Variants in ENTPD1 observed in about 807,000 individuals in gnomAD.
ENTPD1 encodes ectonucleoside triphosphate diphosphohydrolase 1.
Under a neutral mutation model 57.0 loss-of-function variants are expected in ENTPD1, and 33 were observed. The ratio of observed to expected loss-of-function variants is 0.58; its 90% CI spans 0.44 to 0.77. The LOEUF (loss-of-function observed/expected upper bound fraction) is 0.77. Among genes scored for constraint, ENTPD1 ranks in the 30% least tolerant of loss-of-function variants. The pLI is 0.00. For missense variants in ENTPD1, 501 were observed against 603.4 expected (o/e 0.83, Z 1.78); for synonymous variants, 202 against 218.8 (o/e 0.92, Z 0.68).
intron 7 of ENTPD1, among the ~76,000 whole-genome samples, chr10:95,856,798 T>G (rs1021869768): frequency 4.0e-5 from 6 of 150,288 alleles, no homozygotes; most frequent in African/African-American, 1.5e-4. Context: ...TATAAAAAAT[T>G]TGTCTAGTAT....
intron 1 of ENTPD1, among the ~76,000 whole-genome samples, chr10:95,736,212 GC>G (rs1242308691): frequency 6.6e-6 from 1 of 151,932 alleles, no homozygotes; most frequent in Non-Finnish European, 1.5e-5. Context: ...TGTTGCCCAG[GC>G]TGCTCTGAAA....
intron 1 of ENTPD1, among the ~76,000 whole-genome samples, chr10:95,736,091 C>G (rs936260106): frequency 1.3e-5 from 2 of 150,960 alleles, no homozygotes; most frequent in Non-Finnish European, 2.9e-5. Flanking sequence ...ACATCCGCCT[C>G]CCTGGTTCAA....
At position 95,758,512 on chromosome 10, in the gene ENTPD1, C is replaced by T. The variant is rs549600435; in HGVS notation, c.16+2257C>T. Among the ~76,000 whole-genome samples the T allele has an allele frequency of 3.3e-5, 5 of 152,232 alleles. No individual in the cohort carries two copies. The South Asian group carries it at 1.0e-3, about 32-fold the overall frequency. On this transcript the variant is annotated intron_variant, in intron 1 of 9. Coordinates refer to ENST00000371205, the MANE Select transcript of ENTPD1 (RefSeq NM_001776.6). ...CTAATCCTTCAAGTCTAGATTAGCC[C>T]CCATCTTGGATGCTTCTATAGTACC...
In ENTPD1 at chr10:95,847,670, TGGG is replaced by T; in HGVS notation, c.1039_1041del (p.Gly347del). On this transcript the variant is annotated inframe_deletion, in exon 7 of 10. Coordinates refer to ENST00000371205, the MANE Select transcript of ENTPD1 (RefSeq NM_001776.6). ...GCCCTTACTCCCAGTGTGCCTTCAA[TGGG>T]ATTTTCTTGCCACCACTCCAGGGGG... is the stretch of plus-strand genomic sequence containing the variant. The T allele has an allele frequency of 6.2e-7, 1 of 1,614,178 alleles. No homozygotes were observed. The highest frequency in any genetic ancestry group is 8.5e-7 in the Non-Finnish European group (1 of 1,180,008).
chr10:95,782,994 C>G (rs921541604), intron 1 of ENTPD1, among the ~76,000 whole-genome samples: 3 of 151,982 alleles, frequency 2.0e-5, no homozygotes, highest in Admixed American at 6.6e-5. Flanking sequence ...TTAGCTTCAG[C>G]TTTTGCACAC....
chr10:95,726,243 T>C (rs1158624916), intron 1 of ENTPD1, among the ~76,000 whole-genome samples: 1 of 152,232 alleles, frequency 6.6e-6, no homozygotes, highest in Non-Finnish European at 1.5e-5. Context: ...ATAATGTTCA[T>C]AAATATATCA....
intron 2 of ENTPD1, among the ~76,000 whole-genome samples, chr10:95,825,693 T>C (rs773491155): frequency 2.0e-5 from 3 of 152,230 alleles, no homozygotes; most frequent in Non-Finnish European, 4.4e-5. Flanking sequence ...TTCTCCTGCC[T>C]CAGCCTCCCA....
rs1451830599 is a variant in ENTPD1 at position 95,798,255 on chromosome 10, T to A, written c.17-24982T>A. The stretch of plus-strand genomic sequence containing the variant: ...GTGATATTTGTGTGAACAGCTTTAG[T>A]GGAATGGGATCAGGAGCCAGATACA... On this transcript the variant is annotated intron_variant, in intron 1 of 9. Transcript: ENST00000371205. Among the ~76,000 whole-genome samples, 5 of 152,140 alleles carry A rather than the reference T, an allele frequency of 3.3e-5. No homozygotes were observed. In the East Asian group the frequency reaches 9.7e-4, roughly 29 times the overall value.
chr10:95,782,723 C>T (rs1210097444), intron 1 of ENTPD1, among the ~76,000 whole-genome samples: 2 of 152,196 alleles, frequency 1.3e-5, no homozygotes, highest in African/African-American at 2.4e-5. Flanking sequence ...ATTAGTTCAT[C>T]TCAGCTCTTC....
upstream of ENTPD1, chr10:95,755,779 T>A: frequency 6.5e-7 from 1 of 1,533,350 alleles, no homozygotes; most frequent in Non-Finnish European, 8.7e-7. Flanking sequence ...AACAACTTTC[T>A]TATTATCTAG....
intron 1 of ENTPD1, chr10:95,712,119 T>A: frequency 7.2e-7 from 1 of 1,397,766 alleles, no homozygotes; most frequent in Non-Finnish European, 1.0e-6. Flanking sequence ...GAAAAAAGGA[T>A]TTGTGTGACT....
At chr10:95,852,839 T>C (rs945667035) in intron 7 of ENTPD1, among the ~76,000 whole-genome samples, 8 of 152,236 alleles carry the variant, frequency 5.3e-5, no homozygotes, top group Non-Finnish European at 7.3e-5. Context: ...TGTAGCCTTG[T>C]AGTATAGTTT....
At chr10:95,853,614 C>T (rs1407547415) in intron 7 of ENTPD1, among the ~76,000 whole-genome samples, 4 of 152,142 alleles carry the variant, frequency 2.6e-5, no homozygotes, top group Admixed American at 2.6e-4. Context: ...CCATCATTAC[C>T]TAATTTATTG....
intron 1 of ENTPD1, among the ~76,000 whole-genome samples, chr10:95,801,757 T>G (rs979398163): frequency 5.3e-5 from 8 of 152,194 alleles, no homozygotes; most frequent in African/African-American, 1.9e-4. Context: ...TGAGGTCAGA[T>G]AGCGTGATGC....
intron 1 of ENTPD1, among the ~76,000 whole-genome samples, chr10:95,734,708 C>A (rs2097992729): frequency 6.6e-6 from 1 of 152,146 alleles, no homozygotes; most frequent in Non-Finnish European, 1.5e-5. Context: ...TCTGTTAATT[C>A]CTTCTTTTAT....
At position 95,868,381 on chromosome 10, in the gene ENTPD1, T is replaced by C; in HGVS notation, c.*1998T>C. On this transcript the variant is annotated 3_prime_UTR_variant, in exon 10 of 10. Coordinates refer to ENST00000371205, the MANE Select transcript of ENTPD1 (RefSeq NM_001776.6). ...CTGATAGGCTTGTAATTTAATATCATTCTGTTCATGTGCTTTGGATGGAAG... is the reference window on the plus strand; with the variant it reads ...CTGATAGGCTTGTAATTTAATATCACTCTGTTCATGTGCTTTGGATGGAAG... 1 of 985,434 alleles carries C rather than the reference T, an allele frequency of 1.0e-6. No homozygotes were observed. The highest frequency in any genetic ancestry group is 1.2e-6 in the Non-Finnish European group (1 of 829,922). 61.0% of individuals were successfully genotyped at this position (985,434 alleles called of 1,614,324 possible).
Position 95,863,990 on chromosome 10 carries a change from T to C in ENTPD1, c.1189-734T>C, listed in dbSNP as rs886220905. On this transcript the variant is annotated intron_variant, in intron 8 of 9. Transcript: ENST00000371205. ...TATCTGGGTGTATATTCACAACAGC[T>C]AGGCTAGGTAAGGGCAAGGGATGGC... Among the ~76,000 whole-genome samples the C allele has an allele frequency of 2.0e-5, 3 of 152,196 alleles. No homozygotes were observed. In the East Asian group the frequency reaches 5.8e-4, roughly 29 times the overall value.
chr10:95,860,741 C>T (rs1353579809), intron 8 of ENTPD1, among the ~76,000 whole-genome samples, 159 bp downstream of exon 8: 1 of 152,210 alleles, frequency 6.6e-6, no homozygotes, highest in African/African-American at 2.4e-5. Context: ...AATTTATCAG[C>T]ATTCCTTGAT....
intron 1 of ENTPD1, among the ~76,000 whole-genome samples, chr10:95,822,768 G>A (rs868192117): frequency 1.3e-5 from 2 of 152,290 alleles, no homozygotes; most frequent in Middle Eastern, 3.4e-3. Flanking sequence ...TAAATGCAAG[G>A]GGTATGTATG....
Sources: gnomAD v4.1 joint callset for allele counts (sites outside exome capture counted in the v4.1 genomes callset) on GRCh38, gnomAD v4.1.1 for gene constraint, MANE v1.5 for transcripts, NCBI Gene and HGNC (gene_info 2026-07-23, HGNC 2026-07-21) for gene names.